SCN9A: variants seen among roughly 807,000 people sequenced by gnomAD.
SCN9A encodes the protein sodium voltage-gated channel alpha subunit 9, also known as sodium channel protein type 9 subunit alpha.
In SCN9A, 131 loss-of-function variants were observed where a neutral mutation model predicts 187.0. The ratio of observed to expected loss-of-function variants is 0.70; its 90% CI spans 0.61 to 0.81. The LOEUF is 0.81. Ranked by LOEUF, SCN9A falls within the 30% of genes least tolerant of loss-of-function variation. The pLI is 0.00. For missense variants in SCN9A, 2,252 were observed against 2,396.6 expected, an observed-to-expected ratio of 0.94 and a Z score of 1.26; for synonymous variants, 809 against 808.6, an observed-to-expected ratio of 1.00 and a Z score of -0.01.
intron 17 of SCN9A, among the ~76,000 whole-genome samples, chr2:166,265,003 A>G (rs1313189835): frequency 1.3e-5 from 2 of 151,994 alleles, no homozygotes; most frequent in Non-Finnish European, 2.9e-5. Context: ...TATACATTAT[A>G]TAATTATCAA....
intron 24 of SCN9A, among the ~76,000 whole-genome samples, chr2:166,206,206 C>A (rs1285976776): frequency 4.6e-5 from 7 of 152,116 alleles, no homozygotes; most frequent in Non-Finnish European, 7.4e-5. Flanking sequence ...TATAAAGACA[C>A]ATGCATATGT....
Position 166,308,644 on chromosome 2 carries a change from C to A in SCN9A, c.259-1570G>T, listed in dbSNP as rs540879571. 4.6e-5 allele frequency among the ~76,000 whole-genome samples: 7 copies of A among 152,184 alleles called. No homozygotes were observed. In the South Asian group the frequency reaches 1.4e-3, roughly 32 times the overall value. ...CAGTGTAAAAATGGACTAATACGGC[C>A]GGGCGTGGTGGCTCACGCCTGTGTT... is the stretch of plus-strand genomic sequence containing the variant. On this transcript the variant is annotated intron_variant, in intron 2 of 26. Transcript: ENST00000642356.
intron 21 of SCN9A, among the ~76,000 whole-genome samples, chr2:166,229,649 CTAAA>C: frequency 6.6e-6 from 1 of 152,212 alleles, no homozygotes; most frequent in Middle Eastern, 3.4e-3. Flanking sequence ...TATTATTACT[CTAAA>C]TACTTTATAT....
Position 166,195,610 on chromosome 2 carries a change from C to T in SCN9A, c.*3062G>A, listed in dbSNP as rs989969928. ...TCTTTTTAATAAAGCTATCAAAACT[C>T]TATAAAATCATGCTAAGTATTTTGG... On this transcript the variant is annotated 3_prime_UTR_variant, in exon 27 of 27. Coordinates refer to ENST00000642356, the MANE Select transcript of SCN9A (RefSeq NM_001365536.1). 1 of 152,172 alleles carries T rather than the reference C, an allele frequency of 6.6e-6. No individual in the cohort carries two copies. Among genetic ancestry groups the T allele is most frequent in the African/African-American group, 2.4e-5 (1 of 41,438 alleles). 9.4% of individuals were successfully genotyped at this position (152,172 alleles called of 1,614,324 possible).
chr2:166,294,784 T>C (rs1698227844), intron 7 of SCN9A, 122 bp from the exon 8 acceptor site: 2 of 530,120 alleles, frequency 3.8e-6, no homozygotes, highest in East Asian at 6.2e-5. Flanking sequence ...CCAGGCAATA[T>C]GCATCCATTT....
chr2:166,339,879 A>G (rs1699720339), intron 1 of SCN9A, among the ~76,000 whole-genome samples: 1 of 152,204 alleles, frequency 6.6e-6, no homozygotes, highest in African/African-American at 2.4e-5. Flanking sequence ...TCTACTATCT[A>G]GAGAGGTAGC....
intron 1 of SCN9A, among the ~76,000 whole-genome samples, chr2:166,351,197 A>G (rs1700025407): frequency 6.6e-6 from 1 of 152,194 alleles, no homozygotes; most frequent in African/African-American, 2.4e-5. Context: ...AAAGAAGAAT[A>G]ATACAAAACA....
At position 166,228,733 on chromosome 2, in the gene SCN9A, G is replaced by A. The variant is rs199580448; in HGVS notation, c.4164C>T (p.Asn1388=). 23 of 1,613,512 alleles carry A rather than the reference G, an allele frequency of 1.4e-5. No individual in the cohort carries two copies. The highest frequency in any genetic ancestry group is 1.8e-5 in the Non-Finnish European group (21 of 1,179,626). Residue 1388 remains asparagine (N), a synonymous_variant, in exon 22 of 27, where the codon AAC becomes AAT. Transcript: ENST00000642356. ...GGTAACCAAGTCCGACATTATCAAA[G>A]TTCACTTTCAGGTTTTTCCATCGCA... ...QNVRWKNLKV[N]FDNVGLGYLS... is the part of the protein sequence containing the mutation.
At position 166,305,828 on chromosome 2, in the gene SCN9A, G is replaced by A. The variant is rs771227297; in HGVS notation, c.560C>T (p.Pro187Leu). The change falls in exon 5 of 27, where the codon CCG becomes CTG. Residue 187 changes from proline to leucine, a missense_variant. Coordinates refer to ENST00000642356, the MANE Select transcript of SCN9A (RefSeq NM_001365536.1). ...GACGACAAAATCCAGCCAGTTCCAC[G>A]GGTCACGAAGAAAAGTGAATTCTCC... is the stretch of plus-strand genomic sequence containing the variant. ...CVGEFTFLRD[P>L]WNWLDFVVIV... 25 of 1,613,162 alleles carry A rather than the reference G, an allele frequency of 1.5e-5. No individual in the cohort carries two copies. Among genetic ancestry groups the A allele is most frequent in the African/African-American group, 2.7e-5 (2 of 74,782 alleles).
intron 1 of SCN9A, among the ~76,000 whole-genome samples, chr2:166,329,568 G>A (rs1295809581): frequency 1.3e-5 from 2 of 149,084 alleles, no homozygotes; most frequent in African/African-American, 2.5e-5. Flanking sequence ...GTTATTGTTG[G>A]GGGGGGGTTG....
chr2:166,332,392 C>T (rs777339467), intron 1 of SCN9A, among the ~76,000 whole-genome samples: 35 of 152,134 alleles, frequency 2.3e-4, no homozygotes, highest in Non-Finnish European at 4.7e-4. Context: ...GTTTCTCTTG[C>T]TTGTAATCAA....
chr2:166,296,225 A>G (rs966808886), intron 7 of SCN9A: 5 of 151,424 alleles, frequency 3.3e-5, no homozygotes, highest in African/African-American at 1.2e-4. Context: ...AATAGTATAA[A>G]TAGGATATTG....
chr2:166,206,459 A>T (rs1160092384), intron 24 of SCN9A, among the ~76,000 whole-genome samples: 1 of 152,168 alleles, frequency 6.6e-6, no homozygotes, highest in Non-Finnish European at 1.5e-5. Context: ...GTGGGAGTTG[A>T]ACAATGAGAA....
At chr2:166,250,443 T>G (rs926131926) in intron 18 of SCN9A, among the ~76,000 whole-genome samples, 9 of 152,112 alleles carry the variant, frequency 5.9e-5, no homozygotes, top group African/African-American at 2.2e-4. Flanking sequence ...GATGCTGATA[T>G]CCCCATTTTA....
chr2:166,222,929 TCAAAAAAAAAAACAA>T lies in SCN9A; in HGVS notation c.4398+3623_4398+3637del, dbSNP rs1427035798. 8.7e-4 allele frequency among the ~76,000 whole-genome samples: 11 copies of T among 12,586 alleles called. 1 individual carries two copies. The highest frequency in any genetic ancestry group is 1.5e-3 in the Non-Finnish European group (10 of 6,884). The allele number at this position is 12,586 out of a possible 152,430, so 8.3% of individuals were successfully genotyped here. A position where few individuals can be genotyped will look rare whatever the true frequency, so the allele number is the denominator to read the frequency against. On this transcript the variant is annotated intron_variant, in intron 24 of 26. Transcript: ENST00000642356. ...CTGGGCGACAGAGCGAAACTCCGTC[TCAAAAAAAAAAACAA>T]CAAAAAAAAAAAAAAAAAAAAAAAA...
chr2:166,323,542 A>G (rs78947176), intron 1 of SCN9A, among the ~76,000 whole-genome samples: 7,057 of 152,156 alleles, frequency 0.046, 361 homozygotes, highest in African/African-American at 0.13. Context: ...ACCAACACTA[A>G]TTTTTACCTA....
intron 1 of SCN9A, among the ~76,000 whole-genome samples, chr2:166,328,344 A>G (rs951481039): frequency 6.6e-6 from 1 of 151,694 alleles, no homozygotes; most frequent in African/African-American, 2.4e-5. Context: ...TTTACAGCTT[A>G]TTTCATCACC....
intron 1 of SCN9A, among the ~76,000 whole-genome samples, chr2:166,345,244 C>T (rs956264862): frequency 2.0e-4 from 31 of 152,096 alleles, no homozygotes; most frequent in Non-Finnish European, 5.9e-5. Flanking sequence ...CACAGAATCT[C>T]TATTTTTAGG....
At chr2:166,343,845 T>A (rs1574947441) in intron 1 of SCN9A, among the ~76,000 whole-genome samples, 2 of 152,236 alleles carry the variant, frequency 1.3e-5, no homozygotes, top group East Asian at 3.9e-4. Flanking sequence ...ATAGCAATTA[T>A]CCCCATCTTC....
Sources: gnomAD v4.1 joint callset for allele counts (sites outside exome capture counted in the v4.1 genomes callset) on GRCh38, gnomAD v4.1.1 for gene constraint, MANE v1.5 for transcripts, NCBI Gene and HGNC (gene_info 2026-07-23, HGNC 2026-07-21) for gene names.